DCDC2: variants seen among roughly 807,000 people sequenced by gnomAD.
DCDC2 encodes doublecortin domain-containing protein 2.
In DCDC2, 40 loss-of-function variants were observed where a neutral mutation model predicts 50.2. That is an observed-to-expected ratio of 0.80 (90% confidence interval 0.62 to 1.04). The LOEUF (loss-of-function observed/expected upper bound fraction) is 1.04, where lower values mean the gene tolerates loss of function less well. Among genes scored for constraint, DCDC2 ranks in the 50% least tolerant of loss-of-function variants. DCDC2 has a pLI of 0.00. For synonymous variants in DCDC2, 234 were observed against 210.6 expected (o/e 1.11, Z -0.96); for missense variants, 570 against 581.9 (o/e 0.98, Z 0.21).
At chr6:24,249,628 A>C (rs1216542623) in intron 7 of DCDC2, among the ~76,000 whole-genome samples, 2 of 152,360 alleles carry the variant, frequency 1.3e-5, no homozygotes, top group East Asian at 3.9e-4. Flanking sequence ...ACAGTGTTAA[A>C]TTAAAAAATA....
chr6:24,314,190 G>T (rs1194848430), intron 2 of DCDC2, among the ~76,000 whole-genome samples: 3 of 152,150 alleles, frequency 2.0e-5, no homozygotes, highest in Non-Finnish European at 4.4e-5. Flanking sequence ...TTAAAAATAT[G>T]AGCCAGGCAT....
the DCDC2 span, among the ~76,000 whole-genome samples, chr6:24,373,437 G>A: frequency 6.6e-6 from 1 of 152,214 alleles, no homozygotes; most frequent in African/African-American, 2.4e-5. Flanking sequence ...CAACATGGAA[G>A]ACTCTTACAA....
At chr6:24,228,331 A>G (rs1459934957) in intron 7 of DCDC2, among the ~76,000 whole-genome samples, 1 of 152,232 alleles carries the variant, frequency 6.6e-6, no homozygotes, top group Non-Finnish European at 1.5e-5. Flanking sequence ...TGTTTACAGC[A>G]TTAATTGGAG....
At chr6:24,314,463 C>T (rs1759626718) in intron 2 of DCDC2, among the ~76,000 whole-genome samples, 1 of 151,632 alleles carries the variant, frequency 6.6e-6, no homozygotes, top group South Asian at 2.1e-4. Flanking sequence ...GGCAACAGAG[C>T]AAGACGTTGT....
chr6:24,336,508 A>G (rs80274501), intron 2 of DCDC2, among the ~76,000 whole-genome samples: 3,482 of 152,232 alleles, frequency 0.023, 133 homozygotes, highest in African/African-American at 0.077. Context: ...CTTTTCATAT[A>G]TTTATATAAT....
chr6:24,350,417 C>T (rs1760346664), intron 2 of DCDC2, among the ~76,000 whole-genome samples: 1 of 152,176 alleles, frequency 6.6e-6, no homozygotes, highest in Non-Finnish European at 1.5e-5. Context: ...TGCATGACTC[C>T]ACTGAAATGC....
At chr6:24,218,911 C>T (rs191436016) in intron 7 of DCDC2, among the ~76,000 whole-genome samples, 8 of 152,200 alleles carry the variant, frequency 5.3e-5, no homozygotes, top group Admixed American at 5.2e-4. Context: ...AGGAATAATT[C>T]TGGCTTCTTA....
At chr6:24,225,213 CT>C (rs1260488010) in intron 7 of DCDC2, among the ~76,000 whole-genome samples, 1 of 152,068 alleles carries the variant, frequency 6.6e-6, no homozygotes, top group Non-Finnish European at 1.5e-5. Flanking sequence ...ACTCTGGGTG[CT>C]TTTTTTAAAT....
At chr6:24,324,906 G>A (rs1351432994) in intron 2 of DCDC2, among the ~76,000 whole-genome samples, 1 of 150,610 alleles carries the variant, frequency 6.6e-6, no homozygotes, top group Non-Finnish European at 1.5e-5. Flanking sequence ...AAGAAAGACA[G>A]AAAAGAAAGA....
At chr6:24,256,095 A>T (rs1215909123) in intron 7 of DCDC2, among the ~76,000 whole-genome samples, 1 of 152,188 alleles carries the variant, frequency 6.6e-6, no homozygotes, top group Non-Finnish European at 1.5e-5. Flanking sequence ...AAAATAGAAG[A>T]ATAACTTCCA....
intron 8 of DCDC2, among the ~76,000 whole-genome samples, chr6:24,194,349 G>A (rs1414956966): frequency 6.6e-6 from 1 of 151,998 alleles, no homozygotes; most frequent in Non-Finnish European, 1.5e-5. Flanking sequence ...TCATGATGCT[G>A]GGTTAAATGC....
chr6:24,328,850 C>A (rs959524297), intron 2 of DCDC2, among the ~76,000 whole-genome samples: 1 of 152,172 alleles, frequency 6.6e-6, no homozygotes, highest in African/African-American at 2.4e-5. Context: ...GGACAACAAG[C>A]TCTTCCTTGG....
At position 24,172,997 on chromosome 6, in the gene DCDC2, AT is replaced by A; in HGVS notation, c.*1732del. 1 of 148,828 alleles carries A rather than the reference AT, an allele frequency of 6.7e-6. No individual in the cohort carries two copies. Among genetic ancestry groups the A allele is most frequent in the Non-Finnish European group, 1.5e-5 (1 of 67,412 alleles). The allele number at this position is 148,828 out of a possible 1,614,324, so 9.2% of individuals were successfully genotyped here. ...CAAGACTTCATCTCAAAAAATAATAATAATAATAATAATAATAATAATAAAG... is the reference window on the plus strand; with the variant it reads ...CAAGACTTCATCTCAAAAAATAATAAAATAATAATAATAATAATAATAAAG... On this transcript the variant is annotated 3_prime_UTR_variant, in exon 10 of 10. Transcript: ENST00000378454.
upstream of DCDC2, chr6:24,358,128 G>GCACACA (rs151251105): frequency 1.9e-5 from 10 of 531,266 alleles, no homozygotes; most frequent in African/African-American, 7.7e-5. Context: ...AGAGGAGGAC[G>GCACACA]CACACACACA....
upstream of DCDC2, among the ~76,000 whole-genome samples, chr6:24,359,114 A>ATTATATATATTATATATT (rs1760578394): frequency 8.9e-5 from 5 of 56,356 alleles, no homozygotes; most frequent in African/African-American, 2.2e-4. Flanking sequence ...TATATTATAT[A>ATTATATATATTATATATT]TTATATATAT....
At chr6:24,366,619 G>A in the DCDC2 span, among the ~76,000 whole-genome samples, 1 of 152,224 alleles carries the variant, frequency 6.6e-6, no homozygotes, top group African/African-American at 2.4e-5. Context: ...GGACATGCAG[G>A]AAGAAGGGAT....
chr6:24,213,805 C>A (rs1425952534), intron 7 of DCDC2, among the ~76,000 whole-genome samples: 1 of 152,076 alleles, frequency 6.6e-6, no homozygotes, highest in Non-Finnish European at 1.5e-5. Context: ...TATTAGCCAA[C>A]TCTCCTGGGA....
chr6:24,282,698 G>A (rs950023939), intron 6 of DCDC2, among the ~76,000 whole-genome samples: 30 of 148,306 alleles, frequency 2.0e-4, no homozygotes, highest in African/African-American at 5.9e-4. Flanking sequence ...AAATAATTTC[G>A]TGAGAGGTTT....
At chr6:24,380,621 A>G in the DCDC2 span, among the ~76,000 whole-genome samples, 1 of 152,194 alleles carries the variant, frequency 6.6e-6, no homozygotes, top group African/African-American at 2.4e-5. Flanking sequence ...CATAATTTTT[A>G]TCATAGATTT....
Sources: gnomAD v4.1 joint callset for allele counts (sites outside exome capture counted in the v4.1 genomes callset) on GRCh38, gnomAD v4.1.1 for gene constraint, MANE v1.5 for transcripts, NCBI Gene and HGNC (gene_info 2026-07-23, HGNC 2026-07-21) for gene names.